Variants in DMTF1 observed in about 807,000 individuals in gnomAD.
DMTF1 encodes cyclin D binding myb like transcription factor 1, also known as cyclin-D-binding Myb-like transcription factor 1.
DMTF1 carries 39 observed loss-of-function variants against 91.1 expected under a neutral mutation model. The ratio of observed to expected loss-of-function variants is 0.43; its 90% CI spans 0.33 to 0.56. DMTF1 has a LOEUF of 0.56. DMTF1 is among the 20% of genes least tolerant of loss of function. DMTF1 has a pLI of 0.05. For missense variants in DMTF1, 750 were observed against 914.5 expected, an observed-to-expected ratio of 0.82 and a Z score of 2.32; for synonymous variants, 338 against 309.5, an observed-to-expected ratio of 1.09 and a Z score of -0.97.
chr7:87,192,383 C>T (rs1800050115), intron 14 of DMTF1: 1 of 152,060 alleles, frequency 6.6e-6, no homozygotes, highest in Non-Finnish European at 1.5e-5. Flanking sequence ...TGAGTCCTCA[C>T]AGAGTTCCAG....
At position 87,184,287 on chromosome 7, in the gene DMTF1, CAA is replaced by C. The variant is rs1209714169; in HGVS notation, c.821-108_821-107del. 4.0e-6 allele frequency: 4 copies of C among 1,009,144 alleles called. No homozygotes were observed. In the East Asian group the frequency reaches 1.0e-4, roughly 26 times the overall value. 62.5% of individuals were successfully genotyped at this position (1,009,144 alleles called of 1,614,324 possible). A position where few individuals can be genotyped will look rare whatever the true frequency, so the allele number is the denominator to read the frequency against. ...TTTCCACCAGAGGGTCATTCAGAAA[CAA>C]ACTCTTAGTACTATTGCTTACTTCC... On this transcript the variant is annotated intron_variant, in intron 10 of 17. Transcript: ENST00000331242.
intron 1 of DMTF1, chr7:87,162,984 C>T (rs1052709571): frequency 1.3e-5 from 2 of 151,814 alleles, no homozygotes; most frequent in Non-Finnish European, 2.9e-5. Context: ...TTTGTTTTTT[C>T]CACAGATTCC....
At chr7:87,153,119 C>T (rs74687685) in intron 1 of DMTF1, among the ~76,000 whole-genome samples, 1 of 151,980 alleles carries the variant, frequency 6.6e-6, no homozygotes, top group East Asian at 1.9e-4. Flanking sequence ...TCTTTTCCCT[C>T]GTTTGCGCTT....
At chr7:87,176,729 A>G (rs1318177664) in intron 7 of DMTF1, among the ~76,000 whole-genome samples, 1 of 152,166 alleles carries the variant, frequency 6.6e-6, no homozygotes, top group Non-Finnish European at 1.5e-5. Context: ...AGAAATAGGA[A>G]ATGTCCAAAA....
chr7:87,155,491 G>GA (rs1291944704), intron 1 of DMTF1: 2 of 152,078 alleles, frequency 1.3e-5, no homozygotes, highest in African/African-American at 4.8e-5. Context: ...GAAGACCCGA[G>GA]AAAGTGGTAA....
rs182481294 is a variant in DMTF1, at chr7:87,193,087, G to A, written c.1495-111G>A. On this transcript the variant is annotated intron_variant, in intron 14 of 17. Transcript: ENST00000331242. The stretch of plus-strand genomic sequence containing the variant: ...ATGCCCTACATTGTATTACTTGTTC[G>A]CACCTTCACAATGGGTAAGTACATT... 5.1e-3 allele frequency: 5,766 copies of A among 1,125,928 alleles called. 25 individuals carry two copies. The highest frequency in any genetic ancestry group is 6.6e-3 in the Non-Finnish European group (5,148 of 777,198). The allele number at this position is 1,125,928 out of a possible 1,614,324, so 69.7% of individuals were successfully genotyped here. A position where few individuals can be genotyped will look rare whatever the true frequency, so the allele number is the denominator to read the frequency against.
intron 2 of DMTF1, chr7:87,164,212 A>G (rs1450945234): frequency 6.6e-6 from 1 of 152,186 alleles, no homozygotes; most frequent in Non-Finnish European, 1.5e-5. Context: ...GAAGACTTCA[A>G]CCAGGCTATT....
intron 7 of DMTF1, among the ~76,000 whole-genome samples, chr7:87,174,926 A>G (rs754092574): frequency 5.3e-5 from 8 of 152,194 alleles, no homozygotes; most frequent in South Asian, 4.1e-4. Flanking sequence ...TAGCCTCTCA[A>G]CATTTTAAAG....
intron 6 of DMTF1, 104 bp from the exon 7 acceptor site, chr7:87,174,489 T>C: frequency 1.3e-6 from 1 of 755,366 alleles, no homozygotes; most frequent in South Asian, 2.3e-5. Context: ...TGAAATTAGC[T>C]AAATTTTATC....
At chr7:87,194,272 C>A in intron 16 of DMTF1, 170 bp downstream of exon 16, 1 of 679,358 alleles carries the variant, frequency 1.5e-6, no homozygotes, top group Non-Finnish European at 2.3e-6. Flanking sequence ...CTGTGGCAGT[C>A]AGGAAGAATA....
chr7:87,194,391 G>C (rs1376307632), intron 16 of DMTF1: 3 of 439,934 alleles, frequency 6.8e-6, no homozygotes, highest in Non-Finnish European at 8.1e-6. Context: ...TTTCCTGAGT[G>C]GTTAGTAATC....
chr7:87,159,822 G>A (rs1463973249), intron 1 of DMTF1, among the ~76,000 whole-genome samples: 5 of 152,178 alleles, frequency 3.3e-5, no homozygotes, highest in African/African-American at 7.2e-5. Flanking sequence ...TAACACAATG[G>A]CAAGTATTTG....
chr7:87,154,397 G>T (rs1191653431), intron 1 of DMTF1: 2 of 152,516 alleles, frequency 1.3e-5, no homozygotes, highest in Non-Finnish European at 2.9e-5. Flanking sequence ...TAGTTGATAG[G>T]CTCACCCCAA....
At chr7:87,176,633 C>T (rs533799206) in intron 7 of DMTF1, among the ~76,000 whole-genome samples, 3 of 152,046 alleles carry the variant, frequency 2.0e-5, no homozygotes, top group South Asian at 4.2e-4. Context: ...GATGCCTGAA[C>T]TGAATGTTGG....
intron 15 of DMTF1, 99 bp from the exon 16 acceptor site, chr7:87,193,626 T>G (rs1416965136): frequency 8.5e-7 from 1 of 1,175,028 alleles, no homozygotes; most frequent in Non-Finnish European, 1.2e-6. Context: ...ATAAAAGTAT[T>G]TACAGTTTGA....
Position 87,188,280 on chromosome 7 carries a change from C to A in DMTF1, c.1390C>A (p.Pro464Thr). The A allele has an allele frequency of 6.2e-7, 1 of 1,613,844 alleles. No homozygotes were observed. The highest frequency in any genetic ancestry group is 8.5e-7 in the Non-Finnish European group (1 of 1,179,826). Residue 464 changes from proline to threonine, a missense_variant, in exon 13 of 18, where the codon CCA becomes ACA. Pro to Thr is a conservative substitution (Grantham distance 38). Transcript: ENST00000331242. ...SSSPMAALQI[P>T]VQITHVSSAD... ...TAGCCCCATGGCAGCATTGCAGATT[C>A]CAGTCCAGATCACCCATGTTTGTAA...
chr7:87,166,192 C>T (rs1174244062), intron 3 of DMTF1, among the ~76,000 whole-genome samples: 1 of 152,200 alleles, frequency 6.6e-6, no homozygotes, highest in Non-Finnish European at 1.5e-5. Context: ...GCTTCTCATA[C>T]GTCTGTGTCA....
At chr7:87,167,141 G>A (rs1256747792) in intron 4 of DMTF1, among the ~76,000 whole-genome samples, 3 of 152,136 alleles carry the variant, frequency 2.0e-5, no homozygotes, top group African/African-American at 4.8e-5. Context: ...TCTGGTTCCT[G>A]TAATACATAC....
At chr7:87,186,266 G>A (rs1562841730) in intron 12 of DMTF1, 1 of 341,290 alleles carries the variant, frequency 2.9e-6, no homozygotes, top group South Asian at 3.6e-5. Context: ...TAATTTTTAT[G>A]TTTTTAGAGA....
Sources: allele counts gnomAD v4.1 joint callset (sites outside exome capture counted in the v4.1 genomes callset), GRCh38; gene constraint gnomAD v4.1.1; transcripts MANE v1.5; gene names NCBI Gene and HGNC (gene_info 2026-07-23, HGNC 2026-07-21).